Variants in PTPRN2 observed in about 807,000 individuals in gnomAD.
PTPRN2 encodes protein tyrosine phosphatase receptor type N2.
A neutral mutation model predicts 118.8 loss-of-function variants in PTPRN2; 74 were observed. The observed-to-expected ratio is 0.62, with a 90% CI of 0.52 to 0.76. The LOEUF is 0.76. PTPRN2 is among the 30% of genes least tolerant of loss of function. The pLI is 0.00. For missense variants in PTPRN2, 1,481 were observed against 1,394.4 expected, an observed-to-expected ratio of 1.06 and a Z score of -0.99; for synonymous variants, 641 against 608.0, an observed-to-expected ratio of 1.05 and a Z score of -0.80.
At chr7:158,071,061 A>T (rs1228263659) in intron 11 of PTPRN2, among the ~76,000 whole-genome samples, 2 of 56,114 alleles carry the variant, frequency 3.6e-5, no homozygotes, top group East Asian at 9.0e-4. Flanking sequence ...ATGGTGGTGG[A>T]GGTGCTCGTG....
intron 11 of PTPRN2, among the ~76,000 whole-genome samples, chr7:158,039,045 C>G (rs558486226): frequency 1.9e-4 from 29 of 152,150 alleles, no homozygotes; most frequent in African/African-American, 7.0e-4. Flanking sequence ...CTGATAACAC[C>G]TAATTAAATT....
At chr7:158,551,520 T>C (rs1826651745) in intron 1 of PTPRN2, among the ~76,000 whole-genome samples, 1 of 133,284 alleles carries the variant, frequency 7.5e-6, no homozygotes, top group South Asian at 2.7e-4. Context: ...ACCCATTGCA[T>C]CTGGAGTGGG....
At chr7:158,071,696 TGTGGTGGAGGTGCTCCTG>T (rs1295517654) in intron 11 of PTPRN2, among the ~76,000 whole-genome samples, 33 of 40,978 alleles carry the variant, frequency 8.1e-4, no homozygotes, top group Non-Finnish European at 9.4e-4. Context: ...TGGAGGTGCT[TGTGGTGGAGGTGCTCCTG>T]GTGGTGGAGG....
chr7:158,519,301 C>T (rs920418081), intron 1 of PTPRN2, among the ~76,000 whole-genome samples: 1 of 152,186 alleles, frequency 6.6e-6, no homozygotes. Context: ...TTTATGAAGT[C>T]GGACTCATCC....
intron 2 of PTPRN2, among the ~76,000 whole-genome samples, chr7:158,424,329 G>A (rs1010696490): frequency 1.3e-5 from 2 of 152,174 alleles, no homozygotes; most frequent in East Asian, 1.9e-4. Context: ...CAGCTGTAAT[G>A]GAATTCCGTC....
chr7:157,798,800 C>G (rs974405784), intron 12 of PTPRN2, among the ~76,000 whole-genome samples: 1 of 142,186 alleles, frequency 7.0e-6, no homozygotes, highest in African/African-American at 2.5e-5. Flanking sequence ...TATTTAAACT[C>G]AATCAGCAGA....
intron 6 of PTPRN2, among the ~76,000 whole-genome samples, chr7:158,138,959 A>AGCACACCCTGCCCG (rs1819109138): frequency 2.2e-5 from 3 of 135,050 alleles, no homozygotes; most frequent in African/African-American, 1.2e-4. Context: ...CACCCTGCCC[A>AGCACACCCTGCCCG]GCACACCCTG....
chr7:157,957,971 C>T lies in PTPRN2; in HGVS notation c.1724-59234G>A, dbSNP rs114418877. ...TAAGAACCAGTATCCCTTATAAATA[C>T]TGATGCAAAAAATCTTCGACAAAAT... On this transcript the variant is annotated intron_variant, in intron 11 of 22. Transcript: ENST00000389418. 6.6e-3 allele frequency among the ~76,000 whole-genome samples: 1,004 copies of T among 152,286 alleles called. 10 individuals carry two copies. The highest frequency in any genetic ancestry group is 0.023 in the African/African-American group (956 of 41,560).
chr7:157,614,578 C>T (rs1299712927), intron 15 of PTPRN2, among the ~76,000 whole-genome samples: 1 of 152,198 alleles, frequency 6.6e-6, no homozygotes, highest in African/African-American at 2.4e-5. Flanking sequence ...GAGAAAGCGG[C>T]GGGAGTCCCT....
intron 11 of PTPRN2, among the ~76,000 whole-genome samples, chr7:157,968,853 T>C (rs1802122961): frequency 6.6e-6 from 1 of 152,218 alleles, no homozygotes; most frequent in Admixed American, 6.5e-5. Flanking sequence ...ATGGGATATA[T>C]GGGAACTAAT....
intron 4 of PTPRN2, 133 bp from the exon 5 acceptor site, chr7:158,192,628 T>C: frequency 9.7e-7 from 1 of 1,025,926 alleles, no homozygotes; most frequent in Non-Finnish European, 1.4e-6. Flanking sequence ...GCCTTGCTGC[T>C]CCATGACCAT....
rs1813211138 is a variant in PTPRN2 at position 158,085,149 on chromosome 7, A to T, written c.1644-3772T>A. ...ATCCACACCCACCACACCCATCCAC[A>T]CCCTCGACGCCCATCCAGATACCCA... On this transcript the variant is annotated intron_variant, in intron 10 of 22. Coordinates refer to ENST00000389418, the MANE Select transcript of PTPRN2 (RefSeq NM_002847.5). Among the ~76,000 whole-genome samples, 3 of 119,234 alleles carry T rather than the reference A, an allele frequency of 2.5e-5. 1 individual carries two copies. The Admixed American group carries it at 2.6e-4, about 10-fold the overall frequency. 78.2% of individuals were successfully genotyped at this position (119,234 alleles called of 152,430 possible).
intron 12 of PTPRN2, among the ~76,000 whole-genome samples, chr7:157,691,290 A>T (rs1013820815): frequency 6.7e-6 from 1 of 148,278 alleles, no homozygotes; most frequent in Non-Finnish European, 1.5e-5. Flanking sequence ...GACCTCGGCC[A>T]GAAAAGTCAA....
chr7:158,149,560 T>G lies in PTPRN2; in HGVS notation c.911-11045A>C, dbSNP rs547050092. Among the ~76,000 whole-genome samples the G allele has an allele frequency of 7.0e-4, 106 of 152,242 alleles. 1 individual carries two copies. The highest frequency in any genetic ancestry group is 2.6e-3 in the African/African-American group (106 of 41,554). On this transcript the variant is annotated intron_variant, in intron 6 of 22. Coordinates refer to ENST00000389418, the MANE Select transcript of PTPRN2 (RefSeq NM_002847.5). ...GGCTCATGCCTGTAATCCCAGCACT[T>G]TGGGGTCCGAGGTGGGTGGATCACC...
rs188577074 is a variant in PTPRN2 at position 157,929,832 on chromosome 7, G to A, written c.1724-31095C>T. ...CCCAGTGCCCACTGGTGGTGTTCCC[G>A]GGACACCAGGCACTGGAGGTCGGCA... On this transcript the variant is annotated intron_variant, in intron 11 of 22. Transcript: ENST00000389418. This position sits in a 1 kb window ranked among gnomAD's most constrained non-coding sequence, Gnocchi z 4.4. Among the ~76,000 whole-genome samples the A allele has an allele frequency of 5.3e-5, 8 of 151,958 alleles. No individual in the cohort carries two copies. The highest frequency in any genetic ancestry group is 7.4e-5 in the Non-Finnish European group (5 of 67,886).
intron 4 of PTPRN2, among the ~76,000 whole-genome samples, chr7:158,204,961 C>CA (rs1248537715): frequency 6.6e-6 from 1 of 152,200 alleles, no homozygotes; most frequent in Non-Finnish European, 1.5e-5. Context: ...AACCCCTGGG[C>CA]ATGTCTCTTA....
At chr7:158,096,943 G>A (rs531560179) in intron 10 of PTPRN2, among the ~76,000 whole-genome samples, 6 of 152,268 alleles carry the variant, frequency 3.9e-5, no homozygotes, top group East Asian at 1.9e-4. Flanking sequence ...CAGCACTGTC[G>A]CTGCAGTGGT....
intron 14 of PTPRN2, among the ~76,000 whole-genome samples, chr7:157,638,081 A>G (rs752357152): frequency 6.6e-6 from 1 of 152,274 alleles, no homozygotes; most frequent in Non-Finnish European, 1.5e-5. Context: ...CTATATGCAC[A>G]TGAGCAATAA....
At chr7:157,998,985 G>A (rs766868964) in intron 11 of PTPRN2, among the ~76,000 whole-genome samples, 2 of 152,048 alleles carry the variant, frequency 1.3e-5, no homozygotes, top group Non-Finnish European at 2.9e-5. Flanking sequence ...ACTGTGAGCT[G>A]CAGCAACAGT....
Sources: allele counts gnomAD v4.1 joint callset (sites outside exome capture counted in the v4.1 genomes callset), GRCh38; gene constraint gnomAD v4.1.1; non-coding constraint Gnocchi (gnomAD v3.1); transcripts MANE v1.5; gene names NCBI Gene and HGNC (gene_info 2026-07-23, HGNC 2026-07-21).